Variants in ADAM28 observed in about 807,000 individuals in gnomAD.
ADAM28 encodes disintegrin and metalloproteinase domain-containing protein 28.
In ADAM28, 105 loss-of-function variants were observed where a neutral mutation model predicts 101.2. That is an observed-to-expected ratio of 1.04 (90% CI 0.89 to 1.22). The LOEUF is 1.22. Ranked by LOEUF, ADAM28 falls within the 50% of genes most tolerant of loss-of-function variation. The pLI, the probability that ADAM28 is intolerant of heterozygous loss-of-function variation, is 0.00. For missense variants in ADAM28, 1,028 were observed against 945.4 expected (o/e 1.09, Z -1.15); for synonymous variants, 322 against 310.6 (o/e 1.04, Z -0.39).
At position 24,358,472 on chromosome 8, in the gene ADAM28, G is replaced by A. The variant is rs1816821351; in HGVS notation, c.*4068G>A. On this transcript the variant is annotated 3_prime_UTR_variant, in exon 23 of 23. Transcript: ENST00000265769. The stretch of plus-strand genomic sequence containing the variant: ...ATTTTTTTTCTCCAAAGTGGGCCAA[G>A]CCAAGAGTGGCACAGCTGTGTGGAG... The A allele has an allele frequency of 6.6e-6, 1 of 152,132 alleles. No individual in the cohort carries two copies. The highest frequency in any genetic ancestry group is 2.4e-5 in the African/African-American group (1 of 41,428). The allele number at this position is 152,132 out of a possible 1,614,324, so 9.4% of individuals were successfully genotyped here. A position where few individuals can be genotyped will look rare whatever the true frequency, so the allele number is the denominator to read the frequency against.
intron 6 of ADAM28, among the ~76,000 whole-genome samples, chr8:24,319,431 G>A (rs959364793): frequency 2.6e-5 from 4 of 151,924 alleles, no homozygotes; most frequent in African/African-American, 7.2e-5. Context: ...AGTTCCCAGA[G>A]CACTCTCAGT....
Position 24,300,071 on chromosome 8 carries a change from G to A in ADAM28, c.144G>A (p.Glu48=), listed in dbSNP as rs764810587. ...PLHKREAKEP[E]QQEQFETELK... ...ATAAAAGAGAGGCCAAAGAGCCAGA[G>A]CAACAGGTACAGCTTTTGATTTATC... is the stretch of plus-strand genomic sequence containing the variant. The change falls in exon 2 of 23, where the codon GAG becomes GAA. Residue 48 remains glutamate, a synonymous_variant. Coordinates refer to ENST00000265769, the MANE Select transcript of ADAM28 (RefSeq NM_014265.6). 1 of 1,612,836 alleles carries A rather than the reference G, an allele frequency of 6.2e-7. No individual in the cohort carries two copies. The highest frequency in any genetic ancestry group is 8.5e-7 in the Non-Finnish European group (1 of 1,179,496).
chr8:24,333,970 C>T (rs77700140), intron 13 of ADAM28, among the ~76,000 whole-genome samples: 2,163 of 152,158 alleles, frequency 0.014, 55 homozygotes, highest in African/African-American at 0.049. Flanking sequence ...TGAATGTGCA[C>T]ATGGCATACC....
chr8:24,331,480 T>C (rs546390145), intron 12 of ADAM28, among the ~76,000 whole-genome samples, 153 bp downstream of exon 12: 2 of 152,196 alleles, frequency 1.3e-5, no homozygotes, highest in Non-Finnish European at 1.5e-5. Context: ...AAAATCTTTC[T>C]GACAAGGAAC....
chr8:24,332,674 T>G lies in ADAM28; in HGVS notation c.1296T>G (p.Ile432Met). ...ATATTTCTTAGGAATGTACCAATAT[T>G]TGCTGTGATGCTAAGACATGTAAAA... ...DCGTSEECTN[I>M]CCDAKTCKIK... is the part of the protein sequence containing the mutation. The change falls in exon 13 of 23, where the codon ATT (isoleucine) becomes ATG (methionine). Residue 432 changes from isoleucine (I) to methionine (M), a missense_variant. Ile to Met is a conservative substitution (Grantham distance 10). Coordinates refer to ENST00000265769, the MANE Select transcript of ADAM28 (RefSeq NM_014265.6). 1.3e-6 allele frequency: 2 copies of G among 1,514,602 alleles called. No individual in the cohort carries two copies. The highest frequency in any genetic ancestry group is 1.4e-5 in the South Asian group (1 of 71,312). The allele number at this position is 1,514,602 out of a possible 1,614,324, so 93.8% of individuals were successfully genotyped here.
intron 18 of ADAM28, 46 bp downstream of exon 18, chr8:24,343,630 C>T (rs1203523777): frequency 3.9e-6 from 6 of 1,549,196 alleles, no homozygotes; most frequent in Admixed American, 1.7e-5. Context: ...CTCTCCTCTT[C>T]CAAGCCTTTA....
At chr8:24,304,967 C>T (rs1453522619) in intron 2 of ADAM28, among the ~76,000 whole-genome samples, 1 of 151,550 alleles carries the variant, frequency 6.6e-6, no homozygotes, top group Non-Finnish European at 1.5e-5. Context: ...TGTAGCCCAT[C>T]ATATTCCAGT....
intron 1 of ADAM28, chr8:24,299,764 G>A: frequency 2.5e-6 from 1 of 405,658 alleles, no homozygotes; most frequent in Non-Finnish European, 4.4e-6. Flanking sequence ...AGGATCTGAA[G>A]ATATAGGCTA....
At position 24,320,371 on chromosome 8, in the gene ADAM28, G is replaced by A. The variant is rs1010764975; in HGVS notation, c.648+64G>A. ...CCACCCACATATATTTATTTATTAT[G>A]TGAGACATTAAATATCTGGATGAGA... On this transcript the variant is annotated intron_variant, in intron 7 of 22. Transcript: ENST00000265769. 1.6e-5 allele frequency: 17 copies of A among 1,069,280 alleles called. No homozygotes were observed. In the Admixed American group the frequency reaches 3.6e-4, roughly 23 times the overall value. 66.2% of individuals were successfully genotyped at this position (1,069,280 alleles called of 1,614,324 possible). A position where few individuals can be genotyped will look rare whatever the true frequency, so the allele number is the denominator to read the frequency against.
intron 6 of ADAM28, among the ~76,000 whole-genome samples, chr8:24,318,958 G>A (rs188864126): frequency 1.3e-5 from 2 of 151,962 alleles, no homozygotes; most frequent in East Asian, 3.9e-4. Flanking sequence ...GCCCTCCGAT[G>A]TCTTCCCATT....
At chr8:24,324,498 G>C (rs1812288050) in intron 9 of ADAM28, among the ~76,000 whole-genome samples, 2 of 151,994 alleles carry the variant, frequency 1.3e-5, no homozygotes, top group Admixed American at 1.3e-4. Flanking sequence ...CTGCTGGGTA[G>C]ATGGATAATA....
chr8:24,307,026 C>G (rs985862271), intron 2 of ADAM28, among the ~76,000 whole-genome samples: 5 of 152,210 alleles, frequency 3.3e-5, no homozygotes, highest in African/African-American at 1.2e-4. Context: ...TCTATAGTCT[C>G]TCAGGCACAC....
At chr8:24,324,613 G>A (rs527437099) in intron 9 of ADAM28, among the ~76,000 whole-genome samples, 2 of 152,066 alleles carry the variant, frequency 1.3e-5, no homozygotes, top group South Asian at 4.1e-4. Context: ...AGTGAACTAT[G>A]TCCTGCCAGA....
At chr8:24,352,078 C>G (rs370478799) in intron 21 of ADAM28, 26 bp downstream of exon 21, 54 of 1,601,534 alleles carry the variant, frequency 3.4e-5, no homozygotes, top group Non-Finnish European at 4.5e-5. Flanking sequence ...CTCTTAAATA[C>G]CACCCTAGTT....
chr8:24,320,457 A>G (rs1811723231), intron 7 of ADAM28, 150 bp downstream of exon 7: 2 of 603,110 alleles, frequency 3.3e-6, no homozygotes, highest in Admixed American at 3.5e-5. Context: ...GAAATTTGAC[A>G]TTTATAATTA....
rs769221013 is a variant in ADAM28 at position 24,341,621 on chromosome 8, T to C, written c.1694T>C (p.Phe565Ser). 6.2e-7 allele frequency: 1 copy of C among 1,613,450 alleles called. No homozygotes were observed. The highest frequency in any genetic ancestry group is 1.7e-5 in the Admixed American group (1 of 59,932). ...KANDTMCGKL[F>S]CQGGSDNLPW... ...AGTGATACCATGTGTGGGAAGTTGT[T>C]CTGTCAAGGTGGGTCGGATAATTTG... Residue 565 changes from phenylalanine to serine, a missense_variant, in exon 16 of 23, where the codon TTC (phenylalanine) becomes TCC (serine). Coordinates refer to ENST00000265769, the MANE Select transcript of ADAM28 (RefSeq NM_014265.6).
At chr8:24,314,685 G>A (rs1272013970) in intron 6 of ADAM28, among the ~76,000 whole-genome samples, 1 of 151,864 alleles carries the variant, frequency 6.6e-6, no homozygotes, top group African/African-American at 2.4e-5. Context: ...GTGCTCTGTA[G>A]ATCACATATA....
chr8:24,317,121 C>T (rs752547460), intron 6 of ADAM28, among the ~76,000 whole-genome samples: 1 of 151,758 alleles, frequency 6.6e-6, no homozygotes, highest in Non-Finnish European at 1.5e-5. Flanking sequence ...GTTCATACTA[C>T]CTAAAGCAAT....
intron 4 of ADAM28, 141 bp downstream of exon 4, chr8:24,310,382 TAAAAAAAAGAAAAG>T: frequency 1.4e-6 from 1 of 724,992 alleles, no homozygotes; most frequent in East Asian, 3.0e-5. Flanking sequence ...ACTTAAAATA[TAAAAAAAAGAAAAG>T]TGGAAAATCA....
Sources: gnomAD v4.1 joint callset for allele counts (sites outside exome capture counted in the v4.1 genomes callset) on GRCh38, gnomAD v4.1.1 for gene constraint, MANE v1.5 for transcripts, NCBI Gene and HGNC (gene_info 2026-07-23, HGNC 2026-07-21) for gene names.